The following HAGH variants were observed in gnomAD, a reference collection of about 807,000 sequenced individuals.
HAGH encodes hydroxyacylglutathione hydrolase, mitochondrial.
HAGH carries 29 observed loss-of-function variants against 35.1 expected under a neutral mutation model. The ratio of observed to expected loss-of-function variants is 0.83; its 90% CI spans 0.62 to 1.13. HAGH has a LOEUF of 1.13. Among genes scored for constraint, HAGH ranks in the 50% most tolerant of loss-of-function variants. HAGH has a pLI of 0.00. For missense variants in HAGH, 478 were observed against 419.6 expected (o/e 1.14, Z -1.22); for synonymous variants, 225 against 176.1 (o/e 1.28, Z -2.20).
intron 7 of HAGH, among the ~76,000 whole-genome samples, chr16:1,811,616 G>A (rs1171136308): frequency 6.6e-6 from 1 of 152,194 alleles, no homozygotes; most frequent in East Asian, 1.9e-4. Flanking sequence ...GGGAGGCTGA[G>A]GCAGGAGAAT....
Position 1,809,772 on chromosome 16 carries a change from T to G in HAGH, c.809A>C (p.Asn270Thr). Residue 270 changes from asparagine (N) to threonine (T), a missense_variant, in exon 8 of 9, where the codon AAC (asparagine) becomes ACC (threonine). Physicochemically the swap from Asn to Thr is moderately conservative, Grantham distance 65. Transcript: ENST00000397356. ...PSTLAEEFTYNPFMRVREKTV... is the reference protein window; with the variant it reads ...PSTLAEEFTYTPFMRVREKTV... ...GCCTCACCTCACTCTCATGAAGGGG[T>G]TGTAGGTAAACTCCTCTGCCAGGGT... The G allele has an allele frequency of 6.2e-7, 1 of 1,613,206 alleles. No homozygotes were observed. The highest frequency in any genetic ancestry group is 8.5e-7 in the Non-Finnish European group (1 of 1,179,282).
At chr16:1,809,712 A>G (rs377141830) in intron 8 of HAGH, 42 bp downstream of exon 8, 41 of 1,372,722 alleles carry the variant, frequency 3.0e-5, no homozygotes, top group Non-Finnish European at 4.2e-5. Flanking sequence ...TGGGACTGCC[A>G]GAGGGGAGGG....
rs566632617 is a variant in HAGH at position 1,808,991 on chromosome 16, G to A, written c.*292C>T. On this transcript the variant is annotated 3_prime_UTR_variant, in exon 9 of 9. Transcript: ENST00000397356. ...GGCCACAGCAAAGGCACCGGCTCAC[G>A]CCTGACCTGAAGCGTGGGTGGGGGG... The A allele has an allele frequency of 5.9e-4, 245 of 413,764 alleles. No individual in the cohort carries two copies. Among genetic ancestry groups the A allele is most frequent in the South Asian group, 1.7e-3 (41 of 24,272 alleles). 25.6% of individuals were successfully genotyped at this position (413,764 alleles called of 1,614,324 possible).
Position 1,817,289 on chromosome 16 carries a change from C to T in HAGH, c.542-18G>A, listed in dbSNP as rs757250825. On this transcript the variant is annotated intron_variant, in intron 5 of 8. Transcript: ENST00000397356. Reference sequence around the variant, plus strand: ...GGTGTCACCTGGAAACAAGGACAGCCACGAGGTGGGGGCCACTTGAGGCTG... The same window carrying T: ...GGTGTCACCTGGAAACAAGGACAGCTACGAGGTGGGGGCCACTTGAGGCTG... The T allele has an allele frequency of 3.3e-6, 5 of 1,530,826 alleles. No homozygotes were observed. In the East Asian group the frequency reaches 1.1e-4, roughly 34 times the overall value. The allele number at this position is 1,530,826 out of a possible 1,614,324, so 94.8% of individuals were successfully genotyped here. A position where few individuals can be genotyped will look rare whatever the true frequency, so the allele number is the denominator to read the frequency against.
rs1282471078 is a variant in HAGH, at chr16:1,826,701, G to T, written c.76+11C>A. 4.2e-5 allele frequency: 45 copies of T among 1,066,186 alleles called. No individual in the cohort carries two copies. The highest frequency in any genetic ancestry group is 5.1e-5 in the Non-Finnish European group (45 of 882,078). 66.0% of individuals were successfully genotyped at this position (1,066,186 alleles called of 1,614,324 possible). On this transcript the variant is annotated intron_variant, in intron 1 of 8. Transcript: ENST00000397356. ...CGCGTCCCCCGGCCCGCACCGCCCC[G>T]CCGCACCCACCGAGGCCTCGGCGGG...
chr16:1,824,969 T>A (rs1475463295), intron 1 of HAGH, among the ~76,000 whole-genome samples: 2 of 152,076 alleles, frequency 1.3e-5, no homozygotes, highest in Non-Finnish European at 2.9e-5. Flanking sequence ...GGATTCCGAG[T>A]GCCGGGCGTC....
At chr16:1,816,203 CA>C (rs529469453) in intron 7 of HAGH, among the ~76,000 whole-genome samples, 2 of 94,082 alleles carry the variant, frequency 2.1e-5, no homozygotes, top group Non-Finnish European at 4.2e-5. Context: ...GACTCCGTCT[CA>C]AAAAAAAATT....
chr16:1,817,069 G>GC, intron 6 of HAGH, 75 bp from the exon 7 acceptor site: 2 of 1,330,076 alleles, frequency 1.5e-6, no homozygotes, highest in Non-Finnish European at 2.2e-6. Context: ...GGACCTGGAT[G>GC]CCCCCGGGGG....
intron 7 of HAGH, among the ~76,000 whole-genome samples, chr16:1,813,193 C>T (rs1203718112): frequency 1.3e-5 from 2 of 152,140 alleles, no homozygotes; most frequent in African/African-American, 2.4e-5. Flanking sequence ...GCTGTTAGTT[C>T]CCACAGGATC....
At chr16:1,820,625 C>A (rs923811424) in intron 3 of HAGH, among the ~76,000 whole-genome samples, 1 of 152,170 alleles carries the variant, frequency 6.6e-6, no homozygotes, top group Admixed American at 6.5e-5. Flanking sequence ...CCCAGGGGAG[C>A]CTGCCTGACC....
At chr16:1,823,988 C>T (rs963820882) in intron 1 of HAGH, among the ~76,000 whole-genome samples, 5 of 152,136 alleles carry the variant, frequency 3.3e-5, no homozygotes, top group African/African-American at 1.2e-4. Context: ...GGAACACAGA[C>T]TAGGGGTGCC....
chr16:1,823,024 C>T lies in HAGH; in HGVS notation c.90G>A (p.Leu30=), dbSNP rs1289321069. 15 of 1,613,588 alleles carry T rather than the reference C, an allele frequency of 9.3e-6. No individual in the cohort carries two copies. Among genetic ancestry groups the T allele is most frequent in the Non-Finnish European group, 1.3e-5 (15 of 1,180,030 alleles). ...GCAAATCTGTGTGGCAGAAAACTCC[C>T]AGCAGGGCTGGACCTGCAGACACAG... The part of the protein sequence containing the change: ...CARRGLGPAL[L]GVFCHTDLRK... The change falls in exon 2 of 9, where the codon CTG becomes CTA. Residue 30 remains leucine (L), a synonymous_variant. Coordinates refer to ENST00000397356, the MANE Select transcript of HAGH (RefSeq NM_005326.6).
intron 8 of HAGH, 42 bp from the exon 9 acceptor site, chr16:1,809,424 G>A (rs376731266): frequency 3.1e-5 from 48 of 1,524,662 alleles, no homozygotes; most frequent in African/African-American, 6.8e-5. Flanking sequence ...GCCGAGCCAC[G>A]CCCACCGGAG....
intron 8 of HAGH, 104 bp from the exon 9 acceptor site, chr16:1,809,486 TCAGAGGACA>T (rs771121038): frequency 2.2e-6 from 2 of 914,606 alleles, no homozygotes; most frequent in Non-Finnish European, 3.5e-6. Context: ...AGCCCAGCCC[TCAGAGGACA>T]CGGAGGGCGG....
At chr16:1,811,720 A>C (rs1897657109) in intron 7 of HAGH, among the ~76,000 whole-genome samples, 1 of 151,880 alleles carries the variant, frequency 6.6e-6, no homozygotes, top group Non-Finnish European at 1.5e-5. Context: ...TGCCTCAAAA[A>C]AATAAAAATA....
intron 7 of HAGH, among the ~76,000 whole-genome samples, chr16:1,811,537 A>ACCCCGT (rs968346564): frequency 1.3e-4 from 19 of 151,850 alleles, no homozygotes; most frequent in Non-Finnish European, 2.8e-4. Flanking sequence ...ACATGGTGAA[A>ACCCCGT]CCCCGTCTCT....
At chr16:1,823,448 T>C (rs539382751) in intron 1 of HAGH, among the ~76,000 whole-genome samples, 1 of 152,022 alleles carries the variant, frequency 6.6e-6, no homozygotes, top group Non-Finnish European at 1.5e-5. Context: ...TTTGTATTTT[T>C]TAGTAGAGAC....
intron 5 of HAGH, 98 bp downstream of exon 5, chr16:1,819,017 A>C: frequency 1.3e-6 from 1 of 746,136 alleles, no homozygotes. Context: ...ACACCGGTGC[A>C]ACAGAGAAGG....
intron 7 of HAGH, among the ~76,000 whole-genome samples, chr16:1,813,323 G>A (rs1897748127): frequency 6.6e-6 from 1 of 152,150 alleles, no homozygotes; most frequent in African/African-American, 2.4e-5. Flanking sequence ...GCCTCACCAG[G>A]TGCAGACGCC....
Sources: gnomAD v4.1 joint callset for allele counts (sites outside exome capture counted in the v4.1 genomes callset) on GRCh38, gnomAD v4.1.1 for gene constraint, MANE v1.5 for transcripts, NCBI Gene and HGNC (gene_info 2026-07-23, HGNC 2026-07-21) for gene names.